Variants in KCNT1 observed in about 807,000 individuals in gnomAD.
KCNT1 encodes the protein potassium channel subfamily T member 1.
KCNT1 carries 78 observed loss-of-function variants against 147.8 expected under a neutral mutation model. That is an observed-to-expected ratio of 0.53 (90% confidence interval 0.44 to 0.64). The LOEUF (loss-of-function observed/expected upper bound fraction) is 0.64, where lower values mean the gene tolerates loss of function less well. Ranked by LOEUF, KCNT1 falls within the 30% of genes least tolerant of loss-of-function variation. The probability of loss-of-function intolerance (pLI) is 0.00; values close to 1 mark genes in which losing one functional copy is unlikely to be tolerated. For missense variants in KCNT1, 1,419 were observed against 1,750.3 expected (o/e 0.81, Z 3.38); for synonymous variants, 867 against 748.8 (o/e 1.16, Z -2.58).
At chr9:135,768,414 G>A in intron 13 of KCNT1, 196 bp from the exon 14 acceptor site, 1 of 537,510 alleles carries the variant, frequency 1.9e-6, no homozygotes. Context: ...CAGAGAGTAG[G>A]GGCCTCCTCC....
chr9:135,776,765 C>T (rs943928211), intron 20 of KCNT1, among the ~76,000 whole-genome samples: 5 of 152,226 alleles, frequency 3.3e-5, no homozygotes, highest in Admixed American at 1.3e-4. Flanking sequence ...GATGCTCGGA[C>T]CCCCTCAGTT....
chr9:135,750,256 G>C (rs1345743874), intron 3 of KCNT1, 79 bp downstream of exon 3: 28 of 1,203,694 alleles, frequency 2.3e-5, no homozygotes, highest in Non-Finnish European at 3.4e-5. Context: ...GATGGCGAAG[G>C]CTGGGGCTGT....
chr9:135,703,601 C>T (rs772549979), intron 1 of KCNT1, among the ~76,000 whole-genome samples: 15 of 152,156 alleles, frequency 9.9e-5, no homozygotes, highest in Non-Finnish European at 1.6e-4. Flanking sequence ...AGGGACTATC[C>T]GGGGGATGCC....
At position 135,764,561 on chromosome 9, in the gene KCNT1, C is replaced by T. The variant is rs1024383323; in HGVS notation, c.1036-470C>T. Among the ~76,000 whole-genome samples, 7 of 152,324 alleles carry T rather than the reference C, an allele frequency of 4.6e-5. No individual in the cohort carries two copies. The East Asian group carries it at 1.4e-3, about 29-fold the overall frequency. The stretch of plus-strand genomic sequence containing the variant: ...TGGATCTGTCCCCTTTGAGTCTCAA[C>T]ACCCAGAGCTTGCATCTGGGGAGCA... On this transcript the variant is annotated intron_variant, in intron 11 of 30. Coordinates refer to ENST00000371757, the MANE Select transcript of KCNT1 (RefSeq NM_020822.3).
At chr9:135,737,005 C>T in intron 2 of KCNT1, 1 of 278,056 alleles carries the variant, frequency 3.6e-6, no homozygotes. Context: ...GGGCTGAACA[C>T]GGCGGGGCTG....
chr9:135,775,020 T>G (rs1833064976), intron 19 of KCNT1, among the ~76,000 whole-genome samples: 2 of 152,122 alleles, frequency 1.3e-5, no homozygotes, highest in Admixed American at 6.5e-5. Context: ...GGCACCTGCA[T>G]GGGTGCCCTG....
chr9:135,775,861 C>G (rs74851639), intron 20 of KCNT1, among the ~76,000 whole-genome samples: 5,475 of 152,340 alleles, frequency 0.036, 142 homozygotes, highest in Middle Eastern at 0.11. Context: ...AGTGTTTTCC[C>G]CACCGGGAGC....
intron 28 of KCNT1, 184 bp downstream of exon 28, chr9:135,785,514 C>A: frequency 2.6e-6 from 2 of 754,778 alleles, no homozygotes; most frequent in Non-Finnish European, 4.5e-6. Context: ...TTGACACTCA[C>A]TCCCTCCTGC....
chr9:135,786,357 C>T lies in KCNT1; in HGVS notation c.3338C>T (p.Ala1113Val), dbSNP rs1193627908. The T allele has an allele frequency of 6.3e-7, 1 of 1,582,944 alleles. No individual in the cohort carries two copies. Among genetic ancestry groups the T allele is most frequent in the African/African-American group, 1.3e-5 (1 of 74,338 alleles). The change falls in exon 29 of 31, where the codon GCC becomes GTC. Residue 1113 changes from alanine to valine, a missense_variant. This residue lies in a region of KCNT1 where 306 missense variants were observed against 294.2 expected (regional missense o/e 1.04). Coordinates refer to ENST00000371757, the MANE Select transcript of KCNT1 (RefSeq NM_020822.3). ...CTACGGCGCAAGAGCCTGCAGTGGG[C>T]CCGGAGGCTGAGCCGCAAGGCGCCC... is the stretch of plus-strand genomic sequence containing the variant. ...PLLRRKSLQW[A>V]RRLSRKAPKQ...
At position 135,786,459 on chromosome 9, in the gene KCNT1, A is replaced by C; in HGVS notation, c.3440A>C (p.Gln1147Pro). Residue 1147 changes from glutamine (Q) to proline (P), a missense_variant, in exon 29 of 31, where the codon CAG (glutamine) becomes CCG (proline). This residue lies in a region of KCNT1 where 306 missense variants were observed against 294.2 expected (regional missense o/e 1.04). Transcript: ENST00000371757. Reference protein sequence around the residue: ...RLSLYRRSERQELSELVKNRM... With the variant: ...RLSLYRRSERPELSELVKNRM... The stretch of plus-strand genomic sequence containing the variant: ...AGCCTGTACCGGCGCTCTGAGCGCC[A>C]GGAGCTCTCCGAGCTGGTGAAGAAC... The C allele has an allele frequency of 6.2e-7, 1 of 1,602,142 alleles. No individual in the cohort carries two copies. The highest frequency in any genetic ancestry group is 8.5e-7 in the Non-Finnish European group (1 of 1,175,704).
intron 2 of KCNT1, among the ~76,000 whole-genome samples, chr9:135,748,276 G>C (rs1830952316): frequency 6.6e-6 from 1 of 152,206 alleles, no homozygotes; most frequent in Non-Finnish European, 1.5e-5. Flanking sequence ...AGGCCACTGG[G>C]GCAGATCAAG....
intron 2 of KCNT1, among the ~76,000 whole-genome samples, chr9:135,721,044 G>T (rs760734295): frequency 3.3e-5 from 5 of 152,240 alleles, no homozygotes; most frequent in Admixed American, 6.5e-5. Flanking sequence ...GGCCGTGAAG[G>T]TTCGAGGAGG....
At chr9:135,756,421 T>C (rs1486523888) in intron 6 of KCNT1, among the ~76,000 whole-genome samples, 1 of 152,120 alleles carries the variant, frequency 6.6e-6, no homozygotes, top group Non-Finnish European at 1.5e-5. Context: ...GGGTCCCATG[T>C]CTCCATCTGA....
chr9:135,789,757 CAGGTAGCCCTGGGGACCAGGGGCG>C (rs1238217498), intron 29 of KCNT1: 4 of 152,122 alleles, frequency 2.6e-5, no homozygotes, highest in Admixed American at 2.0e-4. Flanking sequence ...GTGGAGGAGT[CAGGTAGCCCTGGGGACCAGGGGCG>C]AGGTGGCCCT....
chr9:135,703,074 G>A (rs1451361244), intron 1 of KCNT1: 1 of 152,594 alleles, frequency 6.6e-6, no homozygotes, highest in Non-Finnish European at 1.5e-5. Flanking sequence ...AGCTGAGTGG[G>A]ACAGTCCTGA....
chr9:135,747,411 A>G (rs1830889747), intron 2 of KCNT1, among the ~76,000 whole-genome samples: 1 of 151,932 alleles, frequency 6.6e-6, no homozygotes, highest in Non-Finnish European at 1.5e-5. Flanking sequence ...TACCGCCGGC[A>G]GTGAGGGGAG....
chr9:135,779,509 T>C (rs1433704428), intron 24 of KCNT1, 39 bp downstream of exon 24: 1 of 1,438,550 alleles, frequency 7.0e-7, no homozygotes, highest in Non-Finnish European at 9.8e-7. Flanking sequence ...CACCCCAGAA[T>C]CCCAGAAAGA....
In KCNT1 at chr9:135,706,983, C is replaced by T. The variant is rs1835282548; in HGVS notation, c.110+4615C>T. ...AGGAAATGAAGCCTCACTTGTGCCT[C>T]AGTTCCCAGACAGGCCCAAGGCCAG... On this transcript the variant is annotated intron_variant, in intron 1 of 30. Transcript: ENST00000371757. Among the ~76,000 whole-genome samples, 3 of 151,920 alleles carry T rather than the reference C, an allele frequency of 2.0e-5. No homozygotes were observed. In the South Asian group the frequency reaches 6.3e-4, roughly 32 times the overall value.
chr9:135,772,522 G>A (rs1000020770), intron 18 of KCNT1, among the ~76,000 whole-genome samples, 193 bp from the exon 19 acceptor site: 1 of 152,150 alleles, frequency 6.6e-6, no homozygotes, highest in Non-Finnish European at 1.5e-5. Flanking sequence ...CAACATCATC[G>A]CCACCCCAGA....
Sources: allele counts gnomAD v4.1 joint callset (sites outside exome capture counted in the v4.1 genomes callset), GRCh38; gene constraint gnomAD v4.1.1; regional missense constraint gnomAD v4.1.1; transcripts MANE v1.5; gene names NCBI Gene and HGNC (gene_info 2026-07-23, HGNC 2026-07-21).